Variants in PDE4B observed in about 807,000 individuals in gnomAD.
PDE4B encodes the protein phosphodiesterase 4B, also known as 3',5'-cyclic-AMP phosphodiesterase 4B.
A neutral mutation model predicts 82.2 loss-of-function variants in PDE4B; 20 were observed. The observed-to-expected ratio is 0.24, with a 90% CI of 0.17 to 0.35. PDE4B has a LOEUF of 0.35. Ranked by LOEUF, PDE4B falls within the 10% of genes least tolerant of loss-of-function variation. The probability of loss-of-function intolerance (pLI) is 1.00; values close to 1 mark genes in which losing one functional copy is unlikely to be tolerated. For synonymous variants in PDE4B, 320 were observed against 318.9 expected (o/e 1.00, Z -0.04); for missense variants, 655 against 907.2 (o/e 0.72, Z 3.57).
rs113788840 is a variant in PDE4B, at chr1:66,296,743, T to A, written c.634+30656T>A. ...CGCATATTTGTTGAATCAATGAATA[T>A]TTTGTACATAATAGACCATCAATAA... On this transcript the variant is annotated intron_variant, in intron 7 of 16. Coordinates refer to ENST00000341517, the MANE Select transcript of PDE4B (RefSeq NM_002600.4). Among the ~76,000 whole-genome samples the A allele has an allele frequency of 2.6e-3, 399 of 152,288 alleles. 3 individuals carry two copies. Among genetic ancestry groups the A allele is most frequent in the African/African-American group, 8.5e-3 (354 of 41,582 alleles).
At chr1:66,163,733 A>C (rs1217866089) in intron 3 of PDE4B, among the ~76,000 whole-genome samples, 1 of 152,222 alleles carries the variant, frequency 6.6e-6, no homozygotes, top group East Asian at 1.9e-4. Flanking sequence ...GAGGTTAAAA[A>C]TTAGTGAAAT....
intron 7 of PDE4B, among the ~76,000 whole-genome samples, chr1:66,291,209 A>C (rs570258214): frequency 3.4e-4 from 52 of 152,286 alleles, no homozygotes; most frequent in Admixed American, 6.5e-4. Flanking sequence ...AAAACAAACC[A>C]GTGAGATAGG....
intron 3 of PDE4B, among the ~76,000 whole-genome samples, chr1:65,919,208 T>A (rs1647196654): frequency 6.6e-6 from 1 of 152,252 alleles, no homozygotes; most frequent in Admixed American, 6.5e-5. Context: ...TATGATGTTC[T>A]TATTGCTGAA....
At chr1:66,263,571 A>T (rs1654834919) in intron 6 of PDE4B, among the ~76,000 whole-genome samples, 1 of 152,318 alleles carries the variant, frequency 6.6e-6, no homozygotes, top group East Asian at 1.9e-4. Flanking sequence ...GGACCTGAAG[A>T]GTATGTAAGC....
chr1:66,057,885 G>A (rs1655385644), intron 3 of PDE4B, among the ~76,000 whole-genome samples: 1 of 152,160 alleles, frequency 6.6e-6, no homozygotes, highest in African/African-American at 2.4e-5. Flanking sequence ...CAAATCTCAT[G>A]TCTTCACATT....
At chr1:66,144,239 T>G (rs1420424383) in intron 3 of PDE4B, among the ~76,000 whole-genome samples, 3 of 152,248 alleles carry the variant, frequency 2.0e-5, no homozygotes, top group African/African-American at 7.2e-5. Context: ...CATCCATCCA[T>G]TCAACAATTA....
At chr1:66,143,441 G>A (rs148859702) in intron 3 of PDE4B, among the ~76,000 whole-genome samples, 6 of 152,322 alleles carry the variant, frequency 3.9e-5, no homozygotes, top group African/African-American at 9.6e-5. Flanking sequence ...GTTGAAGTAA[G>A]GAGTAATGCA....
rs116496479 is a variant in PDE4B, at chr1:65,926,511, A to G, written c.281+7676A>G. 7.3e-3 allele frequency among the ~76,000 whole-genome samples: 1,115 copies of G among 152,280 alleles called. 19 individuals carry two copies. The highest frequency in any genetic ancestry group is 0.025 in the African/African-American group (1,054 of 41,552). ...CTATTTCTTTGACTTTTTCTCCCGA[A>G]GACACTATCTTTCCCCAGTATCTGA... is the stretch of plus-strand genomic sequence containing the variant. On this transcript the variant is annotated intron_variant, in intron 3 of 16. Transcript: ENST00000341517.
chr1:65,942,331 T>A (rs1648490344), intron 3 of PDE4B, among the ~76,000 whole-genome samples: 1 of 152,022 alleles, frequency 6.6e-6, no homozygotes, highest in African/African-American at 2.4e-5. Context: ...TCCATGTCCA[T>A]CCATGTTGTC....
chr1:66,355,277 C>T, intron 8 of PDE4B: 1 of 393,220 alleles, frequency 2.5e-6, no homozygotes. Context: ...ATTAAAATTC[C>T]TTTTCCTATG....
intron 1 of PDE4B, among the ~76,000 whole-genome samples, chr1:65,819,054 G>C (rs1180902309): frequency 6.6e-6 from 1 of 152,120 alleles, no homozygotes; most frequent in African/African-American, 2.4e-5. Context: ...TAACAAAACA[G>C]CTGCTACCTT....
chr1:65,912,490 T>C (rs1647104321), intron 1 of PDE4B, among the ~76,000 whole-genome samples: 1 of 151,920 alleles, frequency 6.6e-6, no homozygotes, highest in Non-Finnish European at 1.5e-5. Context: ...TTATAGAGGT[T>C]CTTTGTTTCT....
intron 3 of PDE4B, among the ~76,000 whole-genome samples, chr1:66,244,103 A>T (rs1024376410): frequency 2.6e-5 from 4 of 152,262 alleles, no homozygotes; most frequent in African/African-American, 9.6e-5. Flanking sequence ...AAATATGAAG[A>T]GTGAAAGTAG....
chr1:66,176,715 TATTTAAAGTAAACTATTTCTTAA>T (rs1646938326), intron 3 of PDE4B, among the ~76,000 whole-genome samples: 1 of 152,268 alleles, frequency 6.6e-6, no homozygotes, highest in African/African-American at 2.4e-5. Flanking sequence ...AAAATAGTTC[TATTTAAAGTAAACTATTTCTTAA>T]ATATATGAAT....
chr1:66,308,725 T>A (rs191205396), intron 7 of PDE4B, among the ~76,000 whole-genome samples: 1 of 152,186 alleles, frequency 6.6e-6, no homozygotes, highest in Admixed American at 6.6e-5. Flanking sequence ...ATGCAAATAG[T>A]TGCCACCTTT....
intron 3 of PDE4B, among the ~76,000 whole-genome samples, chr1:66,242,232 TCA>T (rs945649113): frequency 6.6e-6 from 1 of 152,328 alleles, no homozygotes; most frequent in African/African-American, 2.4e-5. Flanking sequence ...AAATGAAGCT[TCA>T]CATTTTGGAT....
In PDE4B at chr1:66,225,572, T is replaced by A. The variant is rs566818138; in HGVS notation, c.282-21888T>A. ...CCAGCTCCCATGGCATTTCTCCTGATGGGCTCTAGAGCAAGACGTCTTATG... is the reference window on the plus strand; with the variant it reads ...CCAGCTCCCATGGCATTTCTCCTGAAGGGCTCTAGAGCAAGACGTCTTATG... On this transcript the variant is annotated intron_variant, in intron 3 of 16. Coordinates refer to ENST00000341517, the MANE Select transcript of PDE4B (RefSeq NM_002600.4). 3.9e-5 allele frequency among the ~76,000 whole-genome samples: 6 copies of A among 152,328 alleles called. No individual in the cohort carries two copies. The South Asian group carries it at 1.2e-3, about 32-fold the overall frequency.
chr1:66,239,726 T>C (rs1652733724), intron 3 of PDE4B, among the ~76,000 whole-genome samples: 1 of 152,182 alleles, frequency 6.6e-6, no homozygotes, highest in Non-Finnish European at 1.5e-5. Flanking sequence ...CACACTAAAA[T>C]ATACTCCTAA....
intron 1 of PDE4B, among the ~76,000 whole-genome samples, chr1:65,806,895 T>C (rs1645761000): frequency 1.3e-5 from 2 of 152,244 alleles, no homozygotes; most frequent in East Asian, 1.9e-4. Context: ...TTGGAAAATA[T>C]ACATGGTATT....
Sources: allele counts gnomAD v4.1 joint callset (sites outside exome capture counted in the v4.1 genomes callset), GRCh38; gene constraint gnomAD v4.1.1; transcripts MANE v1.5; gene names NCBI Gene and HGNC (gene_info 2026-07-23, HGNC 2026-07-21).